TNIK: variants seen among roughly 807,000 people sequenced by gnomAD.
TNIK encodes TRAF2 and NCK-interacting protein kinase.
Under a neutral mutation model 191.3 loss-of-function variants are expected in TNIK, and 49 were observed. That is an observed-to-expected ratio of 0.26 (90% confidence interval 0.20 to 0.32). The LOEUF is 0.32. Among genes scored for constraint, TNIK ranks in the 10% least tolerant of loss-of-function variants. TNIK has a pLI of 1.00. For missense variants in TNIK, 1,155 were observed against 1,702.3 expected, an observed-to-expected ratio of 0.68 and a Z score of 5.66; for synonymous variants, 594 against 600.9, an observed-to-expected ratio of 0.99 and a Z score of 0.17.
chr3:171,063,924 A>G lies in TNIK; in HGVS notation c.4040T>C (p.Val1347Ala). The G allele has an allele frequency of 6.2e-7, 1 of 1,613,858 alleles. No individual in the cohort carries two copies. Among genetic ancestry groups the G allele is most frequent in the Non-Finnish European group, 8.5e-7 (1 of 1,179,762 alleles). Residue 1347 changes from valine (V) to alanine (A), a missense_variant, in exon 33 of 33, where the codon GTG (valine) becomes GCG (alanine). Around this residue, in one of 3 missense-constraint regions of TNIK, gnomAD observed 195 missense variants for 415.4 expected, o/e 0.47. Transcript: ENST00000436636. The part of the protein sequence containing the change: ...ASVRSGGSSQ[V>A]FFMTLNRNSM... ...ATTTCTGTTGAGGGTCATGAAAAACACTTGGCTACTTCCTCCAGATCGCAC... is the reference window on the plus strand; with the variant it reads ...ATTTCTGTTGAGGGTCATGAAAAACGCTTGGCTACTTCCTCCAGATCGCAC...
chr3:171,279,463 C>G (rs1750173877), intron 2 of TNIK, among the ~76,000 whole-genome samples: 1 of 152,148 alleles, frequency 6.6e-6, no homozygotes, highest in Non-Finnish European at 1.5e-5. Context: ...TTGATAACAG[C>G]TCTCCTAACT....
At chr3:171,230,370 G>C (rs2108996639) in intron 2 of TNIK, among the ~76,000 whole-genome samples, 1 of 152,336 alleles carries the variant, frequency 6.6e-6, no homozygotes, top group East Asian at 1.9e-4. Flanking sequence ...CACTGAAAGA[G>C]GGTAGGGGAA....
chr3:171,082,234 T>A lies in TNIK; in HGVS notation c.3313+17A>T, dbSNP rs1461237235. The A allele has an allele frequency of 6.2e-7, 1 of 1,609,762 alleles. No homozygotes were observed. The highest frequency in any genetic ancestry group is 8.5e-7 in the Non-Finnish European group (1 of 1,177,910). On this transcript the variant is annotated intron_variant, in intron 27 of 32. Transcript: ENST00000436636. ...CCGCTGTATGGACCTGGGGGACTCA[T>A]CATCTTAGTAACATACCTGAAATTG...
chr3:171,323,860 A>G (rs1482251846), intron 2 of TNIK, among the ~76,000 whole-genome samples: 1 of 152,144 alleles, frequency 6.6e-6, no homozygotes, highest in Non-Finnish European at 1.5e-5. Context: ...TTAAGATGGT[A>G]TCTCCTTCCA....
intron 2 of TNIK, among the ~76,000 whole-genome samples, chr3:171,266,517 A>AC (rs1313959816): frequency 6.6e-6 from 1 of 152,090 alleles, no homozygotes; most frequent in Non-Finnish European, 1.5e-5. Context: ...ACAGAGAATG[A>AC]CTGGGCTCCT....
Position 171,064,271 on chromosome 3 carries a change from A to G in TNIK, c.4000-307T>C, listed in dbSNP as rs1211443995. On this transcript the variant is annotated intron_variant, in intron 32 of 32. Transcript: ENST00000436636. ...TAAAAGGGAGTTTCATGCTAGGATAACGTGCTGGATTTCTGGTCTAGGACC... is the reference window on the plus strand; with the variant it reads ...TAAAAGGGAGTTTCATGCTAGGATAGCGTGCTGGATTTCTGGTCTAGGACC... Among the ~76,000 whole-genome samples, 2 of 152,152 alleles carry G rather than the reference A, an allele frequency of 1.3e-5. 1 individual carries two copies. The highest frequency in any genetic ancestry group is 2.9e-5 in the Non-Finnish European group (2 of 68,018).
At chr3:171,339,062 A>G (rs1197205493) in intron 2 of TNIK, among the ~76,000 whole-genome samples, 6 of 152,204 alleles carry the variant, frequency 3.9e-5, no homozygotes, top group Non-Finnish European at 7.3e-5. Flanking sequence ...ACAAACCTTT[A>G]TTAACAACCT....
At chr3:171,328,071 T>C (rs533952936) in intron 2 of TNIK, among the ~76,000 whole-genome samples, 95 of 152,270 alleles carry the variant, frequency 6.2e-4, no homozygotes, top group African/African-American at 2.2e-3. Context: ...AATTCTTACA[T>C]TGAAATCCTA....
At chr3:171,100,289 A>G (rs1723284681) in intron 22 of TNIK, among the ~76,000 whole-genome samples, 1 of 152,198 alleles carries the variant, frequency 6.6e-6, no homozygotes, top group Non-Finnish European at 1.5e-5. Flanking sequence ...TCAAAATGTC[A>G]TATTTTAGCA....
chr3:171,150,381 C>A (rs114371426), intron 12 of TNIK, among the ~76,000 whole-genome samples: 1 of 152,156 alleles, frequency 6.6e-6, no homozygotes, highest in Non-Finnish European at 1.5e-5. Flanking sequence ...GAGATTCAAA[C>A]CCAGGCAGTG....
rs58584616 is a variant in TNIK, at chr3:171,181,711, T to G, written c.640-4331A>C. On this transcript the variant is annotated intron_variant, in intron 7 of 32. Transcript: ENST00000436636. The stretch of plus-strand genomic sequence containing the variant: ...ACAGCATCCATCTTGCAACCATGAG[T>G]TATTGCCAACAGACTAATGATGCCA... Among the ~76,000 whole-genome samples, 346 of 152,250 alleles carry G rather than the reference T, an allele frequency of 2.3e-3. 13 individuals carry two copies. The East Asian group carries it at 0.064, about 28-fold the overall frequency.
chr3:171,367,967 G>T (rs1715974843), intron 2 of TNIK, among the ~76,000 whole-genome samples: 1 of 152,046 alleles, frequency 6.6e-6, no homozygotes, highest in Non-Finnish European at 1.5e-5. Context: ...CAAGAGAATG[G>T]AATCCTTTAG....
At chr3:171,399,869 C>T (rs1720702600) in intron 1 of TNIK, among the ~76,000 whole-genome samples, 1 of 152,118 alleles carries the variant, frequency 6.6e-6, no homozygotes, top group African/African-American at 2.4e-5. Flanking sequence ...AGCAAGTATG[C>T]TTTACTTTTG....
intron 2 of TNIK, among the ~76,000 whole-genome samples, chr3:171,344,763 G>A (rs974254198): frequency 2.0e-5 from 3 of 151,922 alleles, no homozygotes; most frequent in South Asian, 2.1e-4. Context: ...TGCTTGAAAC[G>A]ATCCCCATTT....
At chr3:171,403,821 T>C (rs919406418) in intron 1 of TNIK, among the ~76,000 whole-genome samples, 2 of 152,178 alleles carry the variant, frequency 1.3e-5, no homozygotes, top group Admixed American at 1.3e-4. Flanking sequence ...CATGTGAAAG[T>C]ACTACCTGTT....
At chr3:171,217,950 T>G (rs191119982) in intron 3 of TNIK, among the ~76,000 whole-genome samples, 4 of 152,260 alleles carry the variant, frequency 2.6e-5, no homozygotes, top group African/African-American at 9.6e-5. Context: ...GTGGTCTACT[T>G]TGGAGGCTTT....
chr3:171,241,553 A>T (rs1003443533), intron 2 of TNIK, among the ~76,000 whole-genome samples: 2 of 152,248 alleles, frequency 1.3e-5, no homozygotes, highest in Admixed American at 6.5e-5. Context: ...GTAAATTAAA[A>T]TGCCTGATAA....
intron 2 of TNIK, among the ~76,000 whole-genome samples, chr3:171,252,563 T>G (rs187667377): frequency 1.4e-3 from 218 of 152,332 alleles, no homozygotes; most frequent in African/African-American, 4.8e-3. Flanking sequence ...AGCTGTGCTA[T>G]CTCTGCATTG....
intron 22 of TNIK, among the ~76,000 whole-genome samples, chr3:171,096,213 AG>A (rs1236055393): frequency 6.6e-6 from 1 of 151,850 alleles, no homozygotes; most frequent in Non-Finnish European, 1.5e-5. Context: ...TGTACAATCA[AG>A]TTCTCCTGTC....
Sources: allele counts gnomAD v4.1 joint callset (sites outside exome capture counted in the v4.1 genomes callset), GRCh38; gene constraint gnomAD v4.1.1; regional missense constraint gnomAD v4.1.1; transcripts MANE v1.5; gene names NCBI Gene and HGNC (gene_info 2026-07-23, HGNC 2026-07-21).